The following LGALS16 variants were observed in gnomAD, a reference collection of about 807,000 sequenced individuals.
The protein encoded by LGALS16 is galectin-16.
In LGALS16, 15 loss-of-function variants were observed where a neutral mutation model predicts 13.2. That is an observed-to-expected ratio of 1.13 (90% confidence interval 0.76 to 1.75). The LOEUF is 1.75. Ranked by LOEUF, LGALS16 falls within the 40% of genes most tolerant of loss-of-function variation. The probability of loss-of-function intolerance (pLI) is 0.00; values close to 1 mark genes in which losing one functional copy is unlikely to be tolerated. For synonymous variants in LGALS16, 66 were observed against 65.4 expected, an observed-to-expected ratio of 1.01 and a Z score of -0.05; for missense variants, 198 against 178.4, an observed-to-expected ratio of 1.11 and a Z score of -0.63.
intron 3 of LGALS16, among the ~76,000 whole-genome samples, chr19:39,659,474 G>GAACCAA (rs1973235842): frequency 6.6e-6 from 1 of 152,144 alleles, no homozygotes. Flanking sequence ...TACACATTAT[G>GAACCAA]CTTTAGGAAC....
chr19:39,660,242 A>G (rs1349985622), intron 3 of LGALS16, among the ~76,000 whole-genome samples, 153 bp from the exon 4 acceptor site: 3 of 152,182 alleles, frequency 2.0e-5, no homozygotes, highest in Non-Finnish European at 2.9e-5. Context: ...TAGGCACAAA[A>G]TGTCATCTGT....
At position 39,658,642 on chromosome 19, in the gene LGALS16, G is replaced by GTGTGT; in HGVS notation, c.275_276insTGTGT (p.Ile93ValfsTer12). ...GAGGATGGCAAACCATTTGACTTGC[G>GTGTGT]CATCTACGTGTGTCACAATGAGTAT... On this transcript the variant is annotated frameshift_variant, in exon 3 of 4. Coordinates refer to ENST00000392051, the MANE Select transcript of LGALS16 (RefSeq NM_001190441.3). LOFTEE classifies it low-confidence loss of function (END_TRUNC). 1.9e-6 allele frequency: 3 copies of GTGTGT among 1,588,624 alleles called. No homozygotes were observed. The highest frequency in any genetic ancestry group is 2.6e-6 in the Non-Finnish European group (3 of 1,170,972).
chr19:39,659,806 A>G (rs1973239277), intron 3 of LGALS16, among the ~76,000 whole-genome samples: 1 of 152,328 alleles, frequency 6.6e-6, no homozygotes, highest in East Asian at 1.9e-4. Flanking sequence ...GAGTAGGCCA[A>G]AAGATTCACA....
chr19:39,659,645 C>T (rs1600818959), intron 3 of LGALS16, among the ~76,000 whole-genome samples: 1 of 152,214 alleles, frequency 6.6e-6, no homozygotes, highest in Middle Eastern at 3.4e-3. Context: ...TACCAACCTC[C>T]CAATACTTAC....
intron 2 of LGALS16, 54 bp downstream of exon 2, chr19:39,658,013 T>C: frequency 6.3e-7 from 1 of 1,599,026 alleles, no homozygotes; most frequent in South Asian, 1.1e-5. Flanking sequence ...GAATATTTGC[T>C]AAGAGTTTGA....
chr19:39,657,905 C>T lies in LGALS16; in HGVS notation c.38C>T (p.Ser13Phe). Residue 13 changes from serine (S) to phenylalanine (F), a missense_variant, in exon 2 of 4, where the codon TCT (serine) becomes TTT (phenylalanine). Transcript: ENST00000392051. Reference protein sequence around the residue: ...FLTVPYKLPVSLSVGSCVIIK... With the variant: ...FLTVPYKLPVFLSVGSCVIIK... Reference sequence around the variant, plus strand: ...CAGGTGCCATACAAACTGCCTGTGTCTTTGTCTGTTGGTTCCTGCGTGATA... The same window carrying T: ...CAGGTGCCATACAAACTGCCTGTGTTTTTGTCTGTTGGTTCCTGCGTGATA... The T allele has an allele frequency of 6.2e-7, 1 of 1,614,020 alleles. No homozygotes were observed. The highest frequency in any genetic ancestry group is 8.5e-7 in the Non-Finnish European group (1 of 1,180,016).
intron 1 of LGALS16, among the ~76,000 whole-genome samples, chr19:39,657,159 G>C (rs902751693): frequency 6.6e-6 from 1 of 152,110 alleles, no homozygotes; most frequent in African/African-American, 2.4e-5. Flanking sequence ...CTACACAAGA[G>C]GGGGCAGATG....
At chr19:39,658,089 C>A in intron 2 of LGALS16, 130 bp downstream of exon 2, 1 of 1,072,258 alleles carries the variant, frequency 9.3e-7, no homozygotes, top group Non-Finnish European at 1.4e-6. Context: ...GGTGCAGGTC[C>A]TGGAGACCCT....
chr19:39,660,081 G>A (rs936126383), intron 3 of LGALS16, among the ~76,000 whole-genome samples: 2 of 152,202 alleles, frequency 1.3e-5, no homozygotes, highest in African/African-American at 4.8e-5. Flanking sequence ...TGTGCGAGAT[G>A]CAGGGTCTCA....
intron 1 of LGALS16, among the ~76,000 whole-genome samples, chr19:39,656,962 G>A (rs1973201485): frequency 6.6e-6 from 1 of 151,904 alleles, no homozygotes; most frequent in African/African-American, 2.4e-5. Context: ...AGCTTACAGT[G>A]GATATTAATC....
intron 3 of LGALS16, among the ~76,000 whole-genome samples, chr19:39,658,906 T>G (rs562566486): frequency 6.6e-6 from 1 of 152,358 alleles, no homozygotes; most frequent in East Asian, 1.9e-4. Context: ...GAATCTCCTC[T>G]GTCTTTTCAC....
At chr19:39,658,326 A>G (rs1160933764) in intron 2 of LGALS16, 134 bp from the exon 3 acceptor site, 1 of 775,108 alleles carries the variant, frequency 1.3e-6, no homozygotes, top group African/African-American at 1.7e-5. Flanking sequence ...AAGCATCCCC[A>G]CAGGGACCAG....
At chr19:39,660,006 G>C (rs1380320381) in intron 3 of LGALS16, among the ~76,000 whole-genome samples, 1 of 152,230 alleles carries the variant, frequency 6.6e-6, no homozygotes, top group Non-Finnish European at 1.5e-5. Context: ...GACAGTCACA[G>C]TTCATGGAAC....
intron 1 of LGALS16, among the ~76,000 whole-genome samples, chr19:39,657,289 A>T (rs1973205269): frequency 6.6e-6 from 1 of 151,960 alleles, no homozygotes; most frequent in African/African-American, 2.4e-5. Flanking sequence ...ATCATCAACC[A>T]CTTGTAGTCA....
At chr19:39,658,377 G>A in intron 2 of LGALS16, 83 bp from the exon 3 acceptor site, 1 of 1,189,090 alleles carries the variant, frequency 8.4e-7, no homozygotes, top group Admixed American at 2.0e-5. Flanking sequence ...CTGGGTAAAT[G>A]GGGGAAGGGA....
chr19:39,658,338 C>T, intron 2 of LGALS16, 122 bp from the exon 3 acceptor site: 1 of 829,022 alleles, frequency 1.2e-6, no homozygotes, highest in Non-Finnish European at 1.9e-6. Context: ...AGGGACCAGG[C>T]CTGCAGTATC....
Position 39,655,990 on chromosome 19 carries a change from G to T in LGALS16, c.15+14G>T, listed in dbSNP as rs371978534. ...TCATTTCTAACTGTGAGTTGAAAAG[G>T]CACAGCCTTCAATAATCTCAAGTCA... On this transcript the variant is annotated intron_variant, in intron 1 of 3. Transcript: ENST00000392051. The T allele has an allele frequency of 6.2e-7, 1 of 1,612,636 alleles. No homozygotes were observed. Among genetic ancestry groups the T allele is most frequent in the Non-Finnish European group, 8.5e-7 (1 of 1,179,224 alleles).
chr19:39,657,089 C>G (rs1415468885), intron 1 of LGALS16, among the ~76,000 whole-genome samples: 2 of 151,896 alleles, frequency 1.3e-5, no homozygotes, highest in African/African-American at 2.4e-5. Flanking sequence ...ATAGTGAGAC[C>G]CTTTCTTTAA....
At chr19:39,657,156 A>G (rs562697614) in intron 1 of LGALS16, among the ~76,000 whole-genome samples, 1 of 152,234 alleles carries the variant, frequency 6.6e-6, no homozygotes, top group South Asian at 2.1e-4. Context: ...CAGCTACACA[A>G]GAGGGGGCAG....
Sources: gnomAD v4.1 joint callset for allele counts (sites outside exome capture counted in the v4.1 genomes callset) on GRCh38, gnomAD v4.1.1 for gene constraint, MANE v1.5 for transcripts, NCBI Gene and HGNC (gene_info 2026-07-23, HGNC 2026-07-21) for gene names.